The following FANCC variants were observed in gnomAD, a reference collection of about 807,000 sequenced individuals.
FANCC encodes Fanconi anemia group C protein.
Under a neutral mutation model 71.3 loss-of-function variants are expected in FANCC, and 55 were observed. The observed-to-expected ratio is 0.77, with a 90% CI of 0.62 to 0.97. FANCC has a LOEUF of 0.97. Ranked by LOEUF, FANCC falls within the 50% of genes least tolerant of loss-of-function variation. The probability of loss-of-function intolerance (pLI) is 0.00; values close to 1 mark genes in which losing one functional copy is unlikely to be tolerated. For synonymous variants in FANCC, 275 were observed against 244.9 expected (o/e 1.12, Z -1.15); for missense variants, 678 against 670.9 (o/e 1.01, Z -0.12).
chr9:95,197,643 G>T (rs1827541416), intron 4 of FANCC, among the ~76,000 whole-genome samples: 1 of 152,184 alleles, frequency 6.6e-6, no homozygotes, highest in African/African-American at 2.4e-5. Flanking sequence ...CTGTCATCAT[G>T]CTTATCTTGC....
Position 95,311,709 on chromosome 9 carries a change from C to CTGTGTGTGTGTGTGTGTG in FANCC, c.-79+5799_-79+5816dup, listed in dbSNP as rs56187288. Among the ~76,000 whole-genome samples the CTGTGTGTGTGTGTGTGTG allele has an allele frequency of 9.1e-4, 131 of 144,580 alleles. 2 individuals are homozygous for CTGTGTGTGTGTGTGTGTG. Among genetic ancestry groups the CTGTGTGTGTGTGTGTGTG allele is most frequent in the South Asian group, 1.6e-3 (7 of 4,372 alleles). The allele number at this position is 144,580 out of a possible 152,430, so 94.9% of individuals were successfully genotyped here. A position where few individuals can be genotyped will look rare whatever the true frequency, so the allele number is the denominator to read the frequency against. On this transcript the variant is annotated intron_variant, in intron 1 of 14. Coordinates refer to ENST00000289081, the MANE Select transcript of FANCC (RefSeq NM_000136.3). ...ATTGTTTAAATAGTCTCCTCTGAAT[C>CTGTGTGTGTGTGTGTGTG]TGTGTGTGTGTGTGTGTGTGTGTGT...
intron 1 of FANCC, among the ~76,000 whole-genome samples, chr9:95,250,591 G>A (rs1021679263): frequency 8.5e-5 from 13 of 152,308 alleles, no homozygotes; most frequent in African/African-American, 3.1e-4. Flanking sequence ...TAATAATAGA[G>A]GGAATATATG....
intron 1 of FANCC, among the ~76,000 whole-genome samples, chr9:95,255,716 G>C (rs1831614598): frequency 6.6e-6 from 1 of 152,056 alleles, no homozygotes; most frequent in Admixed American, 6.6e-5. Flanking sequence ...ACTGACAGAA[G>C]TAGGCTTCAG....
At chr9:95,103,793 C>G (rs564242883) in intron 14 of FANCC, among the ~76,000 whole-genome samples, 124 of 152,316 alleles carry the variant, frequency 8.1e-4, no homozygotes, top group Admixed American at 2.3e-3. Context: ...GCAGAGGCCA[C>G]ACAGGAGGCA....
intron 1 of FANCC, among the ~76,000 whole-genome samples, chr9:95,257,790 C>T (rs1236416455): frequency 6.6e-6 from 1 of 151,924 alleles, no homozygotes; most frequent in Non-Finnish European, 1.5e-5. Context: ...GCTAGTCAGA[C>T]TAATAAAGAA....
At chr9:95,297,504 C>A (rs1834455709) in intron 1 of FANCC, among the ~76,000 whole-genome samples, 1 of 152,272 alleles carries the variant, frequency 6.6e-6, no homozygotes, top group Non-Finnish European at 1.5e-5. Context: ...GTTGGCATGT[C>A]TGGGCAACTG....
intron 4 of FANCC, among the ~76,000 whole-genome samples, chr9:95,206,907 C>G (rs1358400563): frequency 6.6e-6 from 1 of 151,974 alleles, no homozygotes; most frequent in Admixed American, 6.5e-5. Context: ...GAGCATTATC[C>G]CAGGTACAGT....
At chr9:95,179,446 A>G (rs1826208189) in intron 4 of FANCC, among the ~76,000 whole-genome samples, 1 of 152,196 alleles carries the variant, frequency 6.6e-6, no homozygotes, top group African/African-American at 2.4e-5. Context: ...TCCCAGGTTC[A>G]AGTGATTCTC....
intron 4 of FANCC, among the ~76,000 whole-genome samples, chr9:95,226,761 C>T (rs536240742): frequency 1.3e-5 from 2 of 152,120 alleles, no homozygotes; most frequent in African/African-American, 2.4e-5. Context: ...CCCAGGAGGG[C>T]AAAGCAGGGG....
At chr9:95,311,707 A>ATC (rs1554875356) in intron 1 of FANCC, among the ~76,000 whole-genome samples, 1 of 93,892 alleles carries the variant, frequency 1.1e-5, no homozygotes, top group Non-Finnish European at 2.1e-5. Context: ...TCTCCTCTGA[A>ATC]TCTGTGTGTG....
intron 11 of FANCC, among the ~76,000 whole-genome samples, chr9:95,115,440 C>T (rs1180790138): frequency 6.6e-6 from 1 of 152,168 alleles, no homozygotes; most frequent in African/African-American, 2.4e-5. Context: ...GAATAGACTG[C>T]CTGACTGCTT....
chr9:95,185,205 T>G (rs1213553308), intron 4 of FANCC, among the ~76,000 whole-genome samples: 1 of 152,246 alleles, frequency 6.6e-6, no homozygotes, highest in Admixed American at 6.5e-5. Flanking sequence ...ACTTACAAAT[T>G]AAGAATTAAA....
rs538038085 is a variant in FANCC, at chr9:95,193,721, G to C, written c.346-21574C>G. Among the ~76,000 whole-genome samples the C allele has an allele frequency of 4.6e-5, 7 of 152,300 alleles. No homozygotes were observed. In the East Asian group the frequency reaches 1.4e-3, roughly 29 times the overall value. On this transcript the variant is annotated intron_variant, in intron 4 of 14. Transcript: ENST00000289081. ...CCAGCTATCACAGTCAAAATGTAAAGGGTGCCCAAATTGCAAGGGCGGCAA... is the reference window on the plus strand; with the variant it reads ...CCAGCTATCACAGTCAAAATGTAAACGGTGCCCAAATTGCAAGGGCGGCAA...
chr9:95,174,059 G>C (rs187171116), intron 4 of FANCC, among the ~76,000 whole-genome samples: 1 of 152,298 alleles, frequency 6.6e-6, no homozygotes, highest in African/African-American at 2.4e-5. Flanking sequence ...AAACATCACT[G>C]TCTTAGTCTG....
At position 95,136,635 on chromosome 9, in the gene FANCC, C is replaced by T. The variant is rs1032771041; in HGVS notation, c.687-1133G>A. Among the ~76,000 whole-genome samples, 4 of 152,176 alleles carry T rather than the reference C, an allele frequency of 2.6e-5. No individual in the cohort carries two copies. The East Asian group carries it at 5.8e-4, about 22-fold the overall frequency. On this transcript the variant is annotated intron_variant, in intron 7 of 14. Transcript: ENST00000289081. Reference sequence around the variant, plus strand: ...CCCAGTAGCTGGGACTACAGGTGCACGTCACCACATCTGGCTATTTTTTTT... The same window carrying T: ...CCCAGTAGCTGGGACTACAGGTGCATGTCACCACATCTGGCTATTTTTTTT...
chr9:95,285,658 G>C (rs190181743), intron 1 of FANCC, among the ~76,000 whole-genome samples: 2 of 152,004 alleles, frequency 1.3e-5, no homozygotes, highest in Admixed American at 6.6e-5. Context: ...TGGGCAACAG[G>C]GCAAGATCCT....
intron 10 of FANCC, among the ~76,000 whole-genome samples, chr9:95,122,903 G>A (rs1825289779): frequency 6.6e-6 from 1 of 152,172 alleles, no homozygotes; most frequent in African/African-American, 2.4e-5. Flanking sequence ...GTGCCTTCCA[G>A]CCGAGCCACC....
intron 6 of FANCC, among the ~76,000 whole-genome samples, chr9:95,160,903 G>A (rs2135514547): frequency 6.6e-6 from 1 of 152,238 alleles, no homozygotes; most frequent in Admixed American, 6.5e-5. Context: ...TGCTGAAGTT[G>A]CTTATCAGCT....
At chr9:95,145,801 C>T (rs1414264276) in intron 7 of FANCC, among the ~76,000 whole-genome samples, 2 of 152,110 alleles carry the variant, frequency 1.3e-5, no homozygotes, top group Non-Finnish European at 2.9e-5. Context: ...GAGGCACGCA[C>T]CCTTTATCAC....
Sources: gnomAD v4.1 joint callset for allele counts (sites outside exome capture counted in the v4.1 genomes callset) on GRCh38, gnomAD v4.1.1 for gene constraint, MANE v1.5 for transcripts, NCBI Gene and HGNC (gene_info 2026-07-23, HGNC 2026-07-21) for gene names.